The following CATSPERE variants were observed in gnomAD, a reference collection of about 807,000 sequenced individuals.
CATSPERE encodes the protein catsper channel auxiliary subunit epsilon, also known as cation channel sperm-associated auxiliary subunit epsilon.
In CATSPERE, 93 loss-of-function variants were observed where a neutral mutation model predicts 114.1. That is an observed-to-expected ratio of 0.81 (90% CI 0.69 to 0.97). The LOEUF (loss-of-function observed/expected upper bound fraction) is 0.97. Ranked by LOEUF, CATSPERE falls within the 50% of genes least tolerant of loss-of-function variation. The pLI, the probability that CATSPERE is intolerant of heterozygous loss-of-function variation, is 0.00. For synonymous variants in CATSPERE, 341 were observed against 384.1 expected (o/e 0.89, Z 1.31); for missense variants, 1,058 against 1,131.6 (o/e 0.93, Z 0.93).
chr1:244,505,129 A>G (rs1674623552), intron 7 of CATSPERE, among the ~76,000 whole-genome samples: 1 of 151,988 alleles, frequency 6.6e-6, no homozygotes. Flanking sequence ...TTCTCTCATC[A>G]TCGTGGGGTT....
intron 15 of CATSPERE, 42 bp from the exon 16 acceptor site, chr1:244,593,353 G>T (rs1453321461): frequency 1.3e-5 from 21 of 1,605,024 alleles, no homozygotes; most frequent in Admixed American, 8.4e-5. Flanking sequence ...TTTTAAGTTT[G>T]AAAAGAGGAA....
At chr1:244,610,469 G>A in intron 19 of CATSPERE, 143 bp downstream of exon 19, 1 of 717,856 alleles carries the variant, frequency 1.4e-6, no homozygotes, top group Non-Finnish European at 2.5e-6. Flanking sequence ...ATTGTATCAT[G>A]GTATTTTTAA....
Position 244,477,487 on chromosome 1 carries a change from G to A in CATSPERE, c.115-54G>A, listed in dbSNP as rs1399578273. 5 of 967,490 alleles carry A rather than the reference G, an allele frequency of 5.2e-6. No homozygotes were observed. In the African/African-American group the frequency reaches 8.2e-5, roughly 16 times the overall value. The allele number at this position is 967,490 out of a possible 1,614,324, so 59.9% of individuals were successfully genotyped here. A position where few individuals can be genotyped will look rare whatever the true frequency, so the allele number is the denominator to read the frequency against. On this transcript the variant is annotated intron_variant, in intron 2 of 21. Transcript: ENST00000366534. ...AAATTGAATCCTACAACGGAACCCT[G>A]AGGTGAAAAGTTTGAATGATATTTT...
intron 10 of CATSPERE, among the ~76,000 whole-genome samples, chr1:244,571,796 T>A (rs571459310): frequency 1.3e-5 from 2 of 152,308 alleles, no homozygotes; most frequent in African/African-American, 2.4e-5. Context: ...CGTCTTGCTG[T>A]GTCCTCATGT....
chr1:244,637,747 A>G (rs1197546546), intron 21 of CATSPERE, among the ~76,000 whole-genome samples: 1 of 152,226 alleles, frequency 6.6e-6, no homozygotes, highest in Non-Finnish European at 1.5e-5. Flanking sequence ...ACACCTGAGC[A>G]GCATTCTCTG....
In CATSPERE at chr1:244,633,797, C is replaced by G. The variant is rs1292724791; in HGVS notation, c.2649-1692C>G. ...CCTTCATCCTTATTTAAACTCCAAC[C>G]TTTAGGACTCAACACAAGCCTCTTT... On this transcript the variant is annotated intron_variant, in intron 20 of 21. Transcript: ENST00000366534. The surrounding 1 kb of genome is among the most constrained non-coding windows in gnomAD (Gnocchi z 4.1). 1.3e-5 allele frequency among the ~76,000 whole-genome samples: 2 copies of G among 152,042 alleles called. No individual in the cohort carries two copies. The highest frequency in any genetic ancestry group is 2.9e-5 in the Non-Finnish European group (2 of 68,014).
intron 11 of CATSPERE, among the ~76,000 whole-genome samples, chr1:244,577,230 C>T (rs955676612): frequency 6.6e-6 from 1 of 151,596 alleles, no homozygotes; most frequent in African/African-American, 2.4e-5. Context: ...ACTTAGTTCT[C>T]AGGGAAACAG....
chr1:244,520,468 A>T (rs1337779495), intron 8 of CATSPERE, among the ~76,000 whole-genome samples: 1 of 152,104 alleles, frequency 6.6e-6, no homozygotes, highest in Non-Finnish European at 1.5e-5. Flanking sequence ...ATATTTCTGG[A>T]TTTTTAAATT....
At chr1:244,595,327 C>CTATAAA (rs1668245839) in intron 17 of CATSPERE, among the ~76,000 whole-genome samples, 1 of 152,066 alleles carries the variant, frequency 6.6e-6, no homozygotes, top group South Asian at 2.1e-4. Flanking sequence ...ATAAAGAGAG[C>CTATAAA]GAGGCTCTGG....
chr1:244,475,003 C>T (rs749393041), intron 2 of CATSPERE, among the ~76,000 whole-genome samples: 2 of 151,844 alleles, frequency 1.3e-5, no homozygotes, highest in Non-Finnish European at 2.9e-5. Flanking sequence ...TGATTATTGT[C>T]CAGTGCTTTT....
At chr1:244,488,915 TG>T (rs1671501122) in intron 5 of CATSPERE, among the ~76,000 whole-genome samples, 1 of 152,214 alleles carries the variant, frequency 6.6e-6, no homozygotes, top group Admixed American at 6.5e-5. Flanking sequence ...AGAAACTCAC[TG>T]CATACTCATT....
chr1:244,498,554 T>C (rs1178579133), intron 6 of CATSPERE, among the ~76,000 whole-genome samples: 1 of 152,206 alleles, frequency 6.6e-6, no homozygotes, highest in Non-Finnish European at 1.5e-5. Context: ...TTCATTTTTA[T>C]AAAAAGTATG....
In CATSPERE at chr1:244,568,599, G is replaced by A. The variant is rs539216030; in HGVS notation, c.1508-3731G>A. 2.0e-5 allele frequency among the ~76,000 whole-genome samples: 3 copies of A among 152,328 alleles called. No homozygotes were observed. In the East Asian group the frequency reaches 5.8e-4, roughly 29 times the overall value. On this transcript the variant is annotated intron_variant, in intron 10 of 21. Transcript: ENST00000366534. The surrounding 1 kb of genome is among the most constrained non-coding windows in gnomAD (Gnocchi z 4.4). ...ATGGCAGCTGTGCCGAGCTGTGGTG[G>A]GCTCCGCCCAGTTAGAACTTCCTGG...
At chr1:244,468,502 A>G (rs1191188859) in intron 2 of CATSPERE, among the ~76,000 whole-genome samples, 1 of 152,242 alleles carries the variant, frequency 6.6e-6, no homozygotes, top group East Asian at 1.9e-4. Flanking sequence ...CAAAACAGCT[A>G]TGTCATTTTA....
upstream of CATSPERE, chr1:244,451,958 C>G: frequency 2.3e-6 from 2 of 871,892 alleles, no homozygotes; most frequent in Non-Finnish European, 3.3e-6. The surrounding 1 kb of genome is among the most constrained non-coding windows in gnomAD (Gnocchi z 6.6). Flanking sequence ...CGGGCCGCCA[C>G]CCTCCAGCCA....
chr1:244,622,423 A>G (rs549223364), intron 20 of CATSPERE, among the ~76,000 whole-genome samples: 734 of 63,698 alleles, frequency 0.012, 9 homozygotes, highest in African/African-American at 0.042. Context: ...TTTTTTTTTG[A>G]GACAGGTTCT....
At chr1:244,606,017 A>G (rs1174552215) in intron 18 of CATSPERE, among the ~76,000 whole-genome samples, 2 of 152,238 alleles carry the variant, frequency 1.3e-5, no homozygotes, top group African/African-American at 2.4e-5. Context: ...AATAACATTT[A>G]TAGTAGGATG....
chr1:244,552,269 G>C, intron 8 of CATSPERE, 53 bp from the exon 9 acceptor site: 1 of 1,539,624 alleles, frequency 6.5e-7, no homozygotes, highest in Non-Finnish European at 8.7e-7. Context: ...AACTGTACAA[G>C]ATGGATCAGA....
intron 17 of CATSPERE, among the ~76,000 whole-genome samples, chr1:244,597,495 T>C (rs1033409077): frequency 1.3e-5 from 2 of 151,696 alleles, no homozygotes; most frequent in African/African-American, 4.8e-5. Flanking sequence ...GTTTCCTTGC[T>C]GGTAGCACCC....
Sources: gnomAD v4.1 joint callset for allele counts (sites outside exome capture counted in the v4.1 genomes callset) on GRCh38, gnomAD v4.1.1 for gene constraint, Gnocchi (gnomAD v3.1) non-coding constraint, MANE v1.5 for transcripts, NCBI Gene and HGNC (gene_info 2026-07-23, HGNC 2026-07-21) for gene names.